The following PSMD9 variants were observed in gnomAD, a reference collection of about 807,000 sequenced individuals.
The protein encoded by PSMD9 is proteasome 26S subunit, non-ATPase 9, also known as 26S proteasome non-ATPase regulatory subunit 9.
PSMD9 carries 26 observed loss-of-function variants against 25.9 expected under a neutral mutation model. The observed-to-expected ratio is 1.00, with a 90% CI of 0.73 to 1.39. The LOEUF is 1.39. Among genes scored for constraint, PSMD9 ranks in the 40% most tolerant of loss-of-function variants. The pLI, the probability that PSMD9 is intolerant of heterozygous loss-of-function variation, is 0.00. For synonymous variants in PSMD9, 110 were observed against 114.5 expected, an observed-to-expected ratio of 0.96 and a Z score of 0.25; for missense variants, 303 against 299.3, an observed-to-expected ratio of 1.01 and a Z score of -0.09.
intron 3 of PSMD9, 179 bp from the exon 4 acceptor site, chr12:121,902,827 C>T (rs1879438637): frequency 5.4e-6 from 3 of 555,494 alleles, no homozygotes; most frequent in Middle Eastern, 9.6e-4. Context: ...AGGAGGTGGC[C>T]CCGTTACCCA....
intron 3 of PSMD9, among the ~76,000 whole-genome samples, chr12:121,901,032 G>A (rs1054784789): frequency 7.3e-5 from 11 of 149,960 alleles, no homozygotes; most frequent in Admixed American, 2.0e-4. Context: ...GCTCTGTTGC[G>A]TAGGTTGGTC....
intron 4 of PSMD9, among the ~76,000 whole-genome samples, chr12:121,910,083 C>CTTTTTTTTTT (rs34940246): frequency 1.0e-4 from 10 of 95,560 alleles, no homozygotes; most frequent in South Asian, 3.8e-4. Context: ...TAGGAAATGA[C>CTTTTTTTTTT]TTTTTTTTTT....
intron 4 of PSMD9, among the ~76,000 whole-genome samples, chr12:121,906,533 G>A (rs1383120762): frequency 2.0e-5 from 3 of 150,976 alleles, no homozygotes; most frequent in Non-Finnish European, 4.4e-5. Context: ...GGCCTGGCAC[G>A]GTGGCTCACA....
Position 121,906,928 on chromosome 12 carries a change from T to C in PSMD9, c.555+3821T>C, listed in dbSNP as rs1879575282. 1.4e-5 allele frequency among the ~76,000 whole-genome samples: 2 copies of C among 144,814 alleles called. 1 individual carries two copies. Among genetic ancestry groups the C allele is most frequent in the African/African-American group, 5.1e-5 (2 of 39,378 alleles). ...TTGCAGTGAGCTTAGATCATGCCACTGCACCCTAGCCTGGGCGACAGAGTG... is the reference window on the plus strand; with the variant it reads ...TTGCAGTGAGCTTAGATCATGCCACCGCACCCTAGCCTGGGCGACAGAGTG... On this transcript the variant is annotated intron_variant, in intron 4 of 5. Coordinates refer to ENST00000541212, the MANE Select transcript of PSMD9 (RefSeq NM_002813.7).
chr12:121,898,766 G>A (rs1879305243), intron 2 of PSMD9: 1 of 154,548 alleles, frequency 6.5e-6, no homozygotes, highest in Admixed American at 6.5e-5. Context: ...CTGTTGCCCA[G>A]GCTAGAGTGC....
At position 121,902,619 on chromosome 12, in the gene PSMD9, A is replaced by G. The variant is rs1879434136; in HGVS notation, c.454-387A>G. 5 of 203,378 alleles carry G rather than the reference A, an allele frequency of 2.5e-5. No individual in the cohort carries two copies. The South Asian group carries it at 4.0e-4, about 16-fold the overall frequency. 12.6% of individuals were successfully genotyped at this position (203,378 alleles called of 1,614,324 possible). A position where few individuals can be genotyped will look rare whatever the true frequency, so the allele number is the denominator to read the frequency against. On this transcript the variant is annotated intron_variant, in intron 3 of 5. Transcript: ENST00000541212. ...GGCTTCTAGGGCAAGTGTCTTGTCT[A>G]AATGTTGATCACTGAATAAAATGGG...
At chr12:121,904,277 T>TA (rs1879487469) in intron 4 of PSMD9, among the ~76,000 whole-genome samples, 1 of 151,794 alleles carries the variant, frequency 6.6e-6, no homozygotes, top group African/African-American at 2.4e-5. Context: ...TTTTTTTTTT[T>TA]AATTAAGAAA....
Position 121,915,949 on chromosome 12 carries a change from A to C in PSMD9, c.644+5A>C. 6.2e-7 allele frequency: 1 copy of C among 1,612,512 alleles called. No individual in the cohort carries two copies. Among genetic ancestry groups the C allele is most frequent in the South Asian group, 1.1e-5 (1 of 90,940 alleles). On this transcript the variant is annotated splice_donor_5th_base_variant and intron_variant, in intron 5 of 5. Transcript: ENST00000541212. ...GGCAGGAAAAGGACTGCTGGGGTAA[A>C]GTATCTGTTTCTGTTCATTCTCACT...
chr12:121,894,855 T>C lies in PSMD9; in HGVS notation c.241+14T>C, dbSNP rs1879187272. 1.2e-6 allele frequency: 2 copies of C among 1,605,762 alleles called. No individual in the cohort carries two copies. The highest frequency in any genetic ancestry group is 1.7e-5 in the Admixed American group (1 of 59,060). ...ACAACATCATATGTGAGTGGCCCTC[T>C]TAGAAGACTTTCCCCACCTTGTGGT... is the stretch of plus-strand genomic sequence containing the variant. On this transcript the variant is annotated intron_variant, in intron 2 of 5. Transcript: ENST00000541212.
chr12:121,889,041 G>A, intron 1 of PSMD9, 47 bp downstream of exon 1: 1 of 1,548,952 alleles, frequency 6.5e-7, no homozygotes, highest in Non-Finnish European at 8.7e-7. Context: ...CCGGCCCGGA[G>A]TCCCTGGGGT....
chr12:121,907,078 A>G (rs1879582386), intron 4 of PSMD9, among the ~76,000 whole-genome samples: 1 of 148,724 alleles, frequency 6.7e-6, no homozygotes, highest in South Asian at 2.1e-4. Context: ...TTCTTTTTTT[A>G]TTTTTTTTGA....
At chr12:121,897,055 G>C (rs2135721237) in intron 2 of PSMD9, among the ~76,000 whole-genome samples, 1 of 152,180 alleles carries the variant, frequency 6.6e-6, no homozygotes, top group East Asian at 1.9e-4. Context: ...GACTCAGGCT[G>C]GGTGTAACCA....
intron 4 of PSMD9, among the ~76,000 whole-genome samples, chr12:121,911,544 T>G (rs188743512): frequency 6.6e-6 from 1 of 152,338 alleles, no homozygotes; most frequent in African/African-American, 2.4e-5. Context: ...TAGCAATATC[T>G]GTTCAAATCT....
rs188909158 is a variant in PSMD9 at position 121,905,240 on chromosome 12, G to T, written c.555+2133G>T. On this transcript the variant is annotated intron_variant, in intron 4 of 5. Transcript: ENST00000541212. ...TTTTTCTTTTCTTTTTTTTTTTTTA[G>T]ATGGAGTCTTGCTCTGTCGCCCAGG... Among the ~76,000 whole-genome samples the T allele has an allele frequency of 2.1e-5, 3 of 145,984 alleles. No individual in the cohort carries two copies. The East Asian group carries it at 6.0e-4, about 29-fold the overall frequency.
intron 4 of PSMD9, among the ~76,000 whole-genome samples, chr12:121,910,722 T>C (rs1879694928): frequency 6.6e-6 from 1 of 151,486 alleles, no homozygotes; most frequent in South Asian, 2.1e-4. Context: ...ATCACGCCAC[T>C]GCACTCTGGC....
chr12:121,908,063 T>G (rs1280353009), intron 4 of PSMD9: 1 of 152,144 alleles, frequency 6.6e-6, no homozygotes, highest in African/African-American at 2.4e-5. Flanking sequence ...TATTTATCCT[T>G]AAAATCACAT....
intron 4 of PSMD9, among the ~76,000 whole-genome samples, chr12:121,904,639 T>TTTTTTATTATTATTATTA (rs371794929): frequency 2.5e-3 from 348 of 138,938 alleles, no homozygotes; most frequent in African/African-American, 7.3e-3. Flanking sequence ...CCATCTGAAA[T>TTTTTTATTATTATTATTA]TTATTATTAT....
chr12:121,892,827 C>T (rs11043233), intron 1 of PSMD9, among the ~76,000 whole-genome samples: 48,590 of 152,068 alleles, frequency 0.32, 10,023 homozygotes, highest in Non-Finnish European at 0.47. Flanking sequence ...GAGCTATGAA[C>T]ACACCACTGC....
intron 4 of PSMD9, among the ~76,000 whole-genome samples, chr12:121,906,120 G>C (rs781741130): frequency 6.6e-6 from 1 of 152,104 alleles, no homozygotes; most frequent in African/African-American, 2.4e-5. Flanking sequence ...CTCAGCTTCC[G>C]TGTAGGCTTA....
Sources: allele counts gnomAD v4.1 joint callset (sites outside exome capture counted in the v4.1 genomes callset), GRCh38; gene constraint gnomAD v4.1.1; transcripts MANE v1.5; gene names NCBI Gene and HGNC (gene_info 2026-07-23, HGNC 2026-07-21).